The following VPS13B variants were observed in gnomAD, a reference collection of about 807,000 sequenced individuals.
VPS13B encodes the protein intermembrane lipid transfer protein VPS13B.
Under a neutral mutation model 426.4 loss-of-function variants are expected in VPS13B, and 285 were observed. The observed-to-expected ratio is 0.67, with a 90% CI of 0.61 to 0.74. VPS13B has a LOEUF of 0.74. Ranked by LOEUF, VPS13B falls within the 30% of genes least tolerant of loss-of-function variation. The probability of loss-of-function intolerance (pLI) is 0.00; values close to 1 mark genes in which losing one functional copy is unlikely to be tolerated. For missense variants in VPS13B, 4,537 were observed against 4,782.6 expected, an observed-to-expected ratio of 0.95 and a Z score of 1.51; for synonymous variants, 1,676 against 1,676.4, an observed-to-expected ratio of 1.00 and a Z score of 0.01.
chr8:99,192,861 T>G lies in VPS13B; in HGVS notation c.2334-15T>G. On this transcript the variant is annotated splice_polypyrimidine_tract_variant and intron_variant, in intron 16 of 61. Coordinates refer to ENST00000357162, the MANE Select transcript of VPS13B (RefSeq NM_152564.5). ...CTATTTACTGTATTGCGATTCTTTC[T>G]GTTTTCTTGTGCAGGACCAAAAGAT... 6.2e-7 allele frequency: 1 copy of G among 1,612,098 alleles called. No homozygotes were observed. Among genetic ancestry groups the G allele is most frequent in the Non-Finnish European group, 8.5e-7 (1 of 1,179,644 alleles).
intron 17 of VPS13B, among the ~76,000 whole-genome samples, chr8:99,232,014 T>A (rs1171767054): frequency 6.6e-6 from 1 of 152,214 alleles, no homozygotes; most frequent in Non-Finnish European, 1.5e-5. Context: ...TGACTCTTGT[T>A]CTTTTGAGTA....
chr8:99,694,697 G>A (rs1271698773), intron 35 of VPS13B, among the ~76,000 whole-genome samples: 2 of 148,832 alleles, frequency 1.3e-5, no homozygotes, highest in South Asian at 2.2e-4. Context: ...ATTGACAAAT[G>A]GGATCTAATT....
intron 17 of VPS13B, among the ~76,000 whole-genome samples, chr8:99,249,974 T>C (rs1817421298): frequency 6.6e-6 from 1 of 152,218 alleles, no homozygotes; most frequent in South Asian, 2.1e-4. Context: ...ACATTTTACA[T>C]TTCCACCAGC....
intron 17 of VPS13B, among the ~76,000 whole-genome samples, chr8:99,197,814 A>C (rs972174757): frequency 2.0e-5 from 3 of 152,036 alleles, no homozygotes; most frequent in Admixed American, 1.3e-4. Context: ...TTTTGATTTC[A>C]TCTTTTACCT....
chr8:99,215,977 T>G (rs929712359), intron 17 of VPS13B, among the ~76,000 whole-genome samples: 1 of 152,218 alleles, frequency 6.6e-6, no homozygotes, highest in African/African-American at 2.4e-5. Flanking sequence ...AAATAATGTT[T>G]TCTAATGTTA....
intron 17 of VPS13B, chr8:99,234,326 T>G (rs1407764026): frequency 2.7e-6 from 2 of 754,266 alleles, no homozygotes; most frequent in Non-Finnish European, 5.0e-6. Flanking sequence ...TATCCCGTGT[T>G]GAGCCAAAGG....
At chr8:99,468,287 G>T (rs1030666378) in intron 24 of VPS13B, among the ~76,000 whole-genome samples, 6 of 151,962 alleles carry the variant, frequency 3.9e-5, no homozygotes, top group African/African-American at 1.4e-4. Flanking sequence ...CAGAATGATG[G>T]TTAGTCTATT....
chr8:99,102,087 C>T (rs539811600), intron 4 of VPS13B, among the ~76,000 whole-genome samples: 1 of 152,042 alleles, frequency 6.6e-6, no homozygotes, highest in South Asian at 2.1e-4. Flanking sequence ...ACATGAGAAA[C>T]ATAAGTGAGA....
intron 19 of VPS13B, among the ~76,000 whole-genome samples, chr8:99,376,164 C>G (rs1168113089): frequency 6.6e-6 from 1 of 152,072 alleles, no homozygotes; most frequent in African/African-American, 2.4e-5. Flanking sequence ...TAGTTGTCTC[C>G]CAGGCTAAAA....
chr8:99,128,358 G>A (rs1394336430), intron 8 of VPS13B, among the ~76,000 whole-genome samples: 2 of 108,294 alleles, frequency 1.8e-5, no homozygotes, highest in African/African-American at 7.2e-5. Context: ...TTGCACTCCA[G>A]CCTGGGTGAC....
intron 33 of VPS13B, among the ~76,000 whole-genome samples, chr8:99,579,550 A>C (rs1825947364): frequency 6.6e-6 from 1 of 152,070 alleles, no homozygotes; most frequent in African/African-American, 2.4e-5. Context: ...GGTGCCTGCC[A>C]CCATGCCCAG....
intron 60 of VPS13B, 130 bp from the exon 61 acceptor site, chr8:99,871,318 A>G (rs149859194): frequency 2.9e-6 from 4 of 1,375,012 alleles, no homozygotes; most frequent in African/African-American, 1.4e-5. Flanking sequence ...ATTTCAAGCT[A>G]AAATGGGTAA....
chr8:99,730,412 G>A (rs886219307), intron 39 of VPS13B, among the ~76,000 whole-genome samples: 2 of 152,158 alleles, frequency 1.3e-5, no homozygotes, highest in Admixed American at 1.3e-4. Flanking sequence ...CAACTGCTAA[G>A]TGTTTTGCTT....
At position 99,050,516 on chromosome 8, in the gene VPS13B, G is replaced by A. The variant is rs900784442; in HGVS notation, c.291+11950G>A. On this transcript the variant is annotated intron_variant, in intron 3 of 61. Transcript: ENST00000357162. ...ACATACGTGTGCATGTGTCTTTATA[G>A]CAGCATGATTTATAATACTTTGGGC... 8.5e-5 allele frequency among the ~76,000 whole-genome samples: 13 copies of A among 152,150 alleles called. 1 individual carries two copies. The highest frequency in any genetic ancestry group is 3.1e-4 in the African/African-American group (13 of 41,428).
At chr8:99,567,909 T>C (rs1825263450) in intron 31 of VPS13B, among the ~76,000 whole-genome samples, 1 of 152,128 alleles carries the variant, frequency 6.6e-6, no homozygotes, top group South Asian at 2.1e-4. Context: ...GCTATGAAAA[T>C]AATATAACTG....
chr8:99,797,079 GGA>G (rs1812873194), intron 43 of VPS13B: 1 of 152,282 alleles, frequency 6.6e-6, no homozygotes, highest in South Asian at 2.1e-4. Context: ...GAGATAGGAG[GGA>G]GAGAATGAAG....
intron 29 of VPS13B, among the ~76,000 whole-genome samples, chr8:99,512,357 G>T (rs1407906342): frequency 6.6e-6 from 1 of 152,196 alleles, no homozygotes; most frequent in African/African-American, 2.4e-5. Flanking sequence ...AACCAGAAAA[G>T]TAAGAAGCAG....
intron 39 of VPS13B, among the ~76,000 whole-genome samples, chr8:99,750,828 G>A (rs1362041583): frequency 1.3e-5 from 2 of 152,034 alleles, no homozygotes; most frequent in Admixed American, 6.6e-5. Context: ...GGATGATTGG[G>A]GAGGGCTGTT....
At chr8:99,740,027 C>T (rs1354849162) in intron 39 of VPS13B, among the ~76,000 whole-genome samples, 4 of 152,098 alleles carry the variant, frequency 2.6e-5, no homozygotes, top group African/African-American at 9.7e-5. Context: ...CTACTCCAAG[C>T]TAAAGGAGGA....
Sources: allele counts gnomAD v4.1 joint callset (sites outside exome capture counted in the v4.1 genomes callset), GRCh38; gene constraint gnomAD v4.1.1; transcripts MANE v1.5; gene names NCBI Gene and HGNC (gene_info 2026-07-23, HGNC 2026-07-21).